MASP1: variants seen among roughly 807,000 people sequenced by gnomAD.
The protein encoded by MASP1 is mannan-binding lectin serine protease 1.
In MASP1, 59 loss-of-function variants were observed where a neutral mutation model predicts 77.1. The observed-to-expected ratio is 0.77, with a 90% CI of 0.62 to 0.95. The LOEUF (loss-of-function observed/expected upper bound fraction) is 0.95, where lower values mean the gene tolerates loss of function less well. Ranked by LOEUF, MASP1 falls within the 40% of genes least tolerant of loss-of-function variation. MASP1 has a pLI of 0.00. For missense variants in MASP1, 885 were observed against 912.9 expected (o/e 0.97, Z 0.39); for synonymous variants, 362 against 354.5 (o/e 1.02, Z -0.24).
chr3:187,233,152 T>G (rs1034166772), downstream of MASP1, among the ~76,000 whole-genome samples: 53 of 152,316 alleles, frequency 3.5e-4, 1 homozygote, highest in African/African-American at 1.2e-3. Context: ...GCTCAGCCCC[T>G]TCCTGTCCAC....
chr3:187,249,338 G>T (rs750606769), intron 8 of MASP1, among the ~76,000 whole-genome samples: 1 of 152,148 alleles, frequency 6.6e-6, no homozygotes, highest in Non-Finnish European at 1.5e-5. Context: ...CATTACCAGC[G>T]TGAGCCACCA....
chr3:187,234,060 A>C, downstream of MASP1: 3 of 1,221,658 alleles, frequency 2.5e-6, no homozygotes, highest in Non-Finnish European at 3.1e-6. Context: ...CCCCAACAAT[A>C]ACAAAACCCA....
intron 2 of MASP1, chr3:187,276,690 C>T (rs1262685434): frequency 6.6e-6 from 1 of 152,250 alleles, no homozygotes; most frequent in African/African-American, 2.4e-5. Context: ...GCTTTCATTA[C>T]ACTTTCCTGA....
intron 11 of MASP1, chr3:187,226,624 C>T (rs1712452250): frequency 1.3e-6 from 1 of 769,190 alleles, no homozygotes; most frequent in Middle Eastern, 2.8e-4. Context: ...CCCTCAAGAC[C>T]TTGAAAATGG....
chr3:187,231,217 C>A (rs1482730489), downstream of MASP1, among the ~76,000 whole-genome samples: 1 of 152,260 alleles, frequency 6.6e-6, no homozygotes, highest in African/African-American at 2.4e-5. Context: ...CACTCTGGAT[C>A]TCTTAACTTT....
intron 12 of MASP1, chr3:187,225,577 A>G: frequency 6.5e-6 from 10 of 1,537,004 alleles, no homozygotes; most frequent in Non-Finnish European, 9.0e-6. Context: ...GTTCCCTGTC[A>G]GCCCCCGCCC....
chr3:187,254,597 T>G (rs1714913419), intron 5 of MASP1, among the ~76,000 whole-genome samples: 1 of 152,136 alleles, frequency 6.6e-6, no homozygotes, highest in African/African-American at 2.4e-5. Flanking sequence ...AATCTAGCTT[T>G]TATAAAGATC....
At chr3:187,289,319 T>C (rs1421375436) in intron 1 of MASP1, among the ~76,000 whole-genome samples, 1 of 152,196 alleles carries the variant, frequency 6.6e-6, no homozygotes, top group East Asian at 1.9e-4. Context: ...GACTCCATTT[T>C]TGAATTGAAG....
intron 2 of MASP1, chr3:187,263,169 T>TA (rs1324266545): frequency 8.6e-6 from 2 of 233,100 alleles, no homozygotes; most frequent in East Asian, 2.2e-4. Flanking sequence ...TGATGAGAGA[T>TA]AGACACAGTG....
intron 11 of MASP1, among the ~76,000 whole-genome samples, chr3:187,227,604 C>T (rs1339487773): frequency 6.6e-6 from 1 of 152,184 alleles, no homozygotes; most frequent in Non-Finnish European, 1.5e-5. Flanking sequence ...AGGTTCCAGG[C>T]TCCACTTGGC....
In MASP1 at chr3:187,285,998, C is replaced by A. The variant is rs77189011; in HGVS notation, c.64G>T (p.Val22Leu). 1.2e-6 allele frequency: 2 copies of A among 1,614,066 alleles called. No homozygotes were observed. The highest frequency in any genetic ancestry group is 2.2e-5 in the South Asian group (2 of 91,084). Residue 22 changes from valine to leucine, a missense_variant, in exon 2 of 11, where the codon GTG (valine) becomes TTG (leucine). By Grantham distance (32) the Val-to-Leu change is conservative. Transcript: ENST00000296280. Reference sequence around the variant, plus strand: ...TGGCCAAACATATTGTTTAGCTCCACGGTGTGGGCTGAAGCCTTTGACAGG... The same window carrying A: ...TGGCCAAACATATTGTTTAGCTCCAAGGTGTGGGCTGAAGCCTTTGACAGG... ...FSLSKASAHT[V>L]ELNNMFGQIQ...
chr3:187,252,713 G>T (rs1714719673), intron 6 of MASP1, among the ~76,000 whole-genome samples: 1 of 152,102 alleles, frequency 6.6e-6, no homozygotes, highest in African/African-American at 2.4e-5. Context: ...GGGGATGGGG[G>T]CATGAGACCC....
intron 5 of MASP1, among the ~76,000 whole-genome samples, chr3:187,254,259 A>G (rs1714878485): frequency 1.3e-5 from 2 of 152,270 alleles, no homozygotes; most frequent in Admixed American, 6.5e-5. Flanking sequence ...TGTAACCTAT[A>G]GAAGTAATCA....
chr3:187,260,999 C>T lies in MASP1; in HGVS notation c.416-127G>A, dbSNP rs143399086. On this transcript the variant is annotated intron_variant, in intron 3 of 10. Transcript: ENST00000296280. The stretch of plus-strand genomic sequence containing the variant: ...GATTCATGCGTTCTCTCATTTAATC[C>T]TCTCATACAGCCCAGAGGTAGCCAT... The T allele has an allele frequency of 6.4e-4, 700 of 1,094,940 alleles. 2 individuals are homozygous for T. In the African/African-American group the frequency reaches 9.8e-3, roughly 15 times the overall value. The allele number at this position is 1,094,940 out of a possible 1,614,324, so 67.8% of individuals were successfully genotyped here.
chr3:187,229,969 G>A (rs1424151380), downstream of MASP1: 10 of 1,574,232 alleles, frequency 6.4e-6, no homozygotes, highest in Admixed American at 1.7e-5. Context: ...AGAGCTCCCA[G>A]CTCCTCACCC....
intron 6 of MASP1, among the ~76,000 whole-genome samples, chr3:187,251,997 AG>A (rs1381187486): frequency 6.6e-6 from 1 of 152,220 alleles, no homozygotes; most frequent in Admixed American, 6.5e-5. Context: ...ATTAAAACAC[AG>A]GGTTGGGAGG....
rs1011987580 is a variant in MASP1, at chr3:187,235,063, G to C, written c.*621C>G. Reference sequence around the variant, plus strand: ...AATTCCTTTAATGGGGAACATAAGGGATAAGGCTTAGACTGCAAGAAGCTT... The same window carrying C: ...AATTCCTTTAATGGGGAACATAAGGCATAAGGCTTAGACTGCAAGAAGCTT... On this transcript the variant is annotated 3_prime_UTR_variant, in exon 11 of 11. Transcript: ENST00000296280. The C allele has an allele frequency of 3.1e-6, 4 of 1,287,286 alleles. No individual in the cohort carries two copies. Among genetic ancestry groups the C allele is most frequent in the Non-Finnish European group, 3.0e-6 (3 of 988,724 alleles). 79.7% of individuals were successfully genotyped at this position (1,287,286 alleles called of 1,614,324 possible).
chr3:187,238,244 T>A (rs1216247417), intron 10 of MASP1, among the ~76,000 whole-genome samples: 2 of 152,230 alleles, frequency 1.3e-5, no homozygotes, highest in Non-Finnish European at 1.5e-5. Flanking sequence ...AGATCAGATC[T>A]GGAGAGACCT....
intron 3 of MASP1, among the ~76,000 whole-genome samples, chr3:187,261,627 T>TA (rs1314118759): frequency 6.6e-6 from 1 of 152,210 alleles, no homozygotes; most frequent in African/African-American, 2.4e-5. Flanking sequence ...GGTGGACAGA[T>TA]AAAAAATGTT....
Sources: gnomAD v4.1 joint callset for allele counts (sites outside exome capture counted in the v4.1 genomes callset) on GRCh38, gnomAD v4.1.1 for gene constraint, MANE v1.5 for transcripts, NCBI Gene and HGNC (gene_info 2026-07-23, HGNC 2026-07-21) for gene names.